CEMIP: variants seen among roughly 807,000 people sequenced by gnomAD.
CEMIP encodes the protein cell migration inducing hyaluronidase 1, also known as cell migration-inducing and hyaluronan-binding protein.
CEMIP carries 105 observed loss-of-function variants against 156.9 expected under a neutral mutation model. The observed-to-expected ratio is 0.67, with a 90% confidence interval of 0.57 to 0.79. The LOEUF (loss-of-function observed/expected upper bound fraction) is 0.79, where lower values mean the gene tolerates loss of function less well. Ranked by LOEUF, CEMIP falls within the 30% of genes least tolerant of loss-of-function variation. The pLI is 0.00. For missense variants in CEMIP, 1,457 were observed against 1,769.4 expected (o/e 0.82, Z 3.17); for synonymous variants, 676 against 668.4 (o/e 1.01, Z -0.17).
chr15:80,887,885 T>G, intron 8 of CEMIP, 121 bp downstream of exon 8: 1 of 845,828 alleles, frequency 1.2e-6, no homozygotes, highest in Non-Finnish European at 1.9e-6. Context: ...AATGTCTAGA[T>G]GAGTGAGCAG....
chr15:80,889,228 C>T (rs1300746996), intron 9 of CEMIP, among the ~76,000 whole-genome samples: 1 of 152,152 alleles, frequency 6.6e-6, no homozygotes, highest in African/African-American at 2.4e-5. Flanking sequence ...TTTGCTTTTG[C>T]AATAACAAAG....
rs1341936693 is a variant in CEMIP, at chr15:80,779,443, C to A, written c.-347C>A. 1 of 152,326 alleles carries A rather than the reference C, an allele frequency of 6.6e-6. No individual in the cohort carries two copies. Among genetic ancestry groups the A allele is most frequent in the Non-Finnish European group, 1.5e-5 (1 of 68,116 alleles). The allele number at this position is 152,326 out of a possible 1,614,324, so 9.4% of individuals were successfully genotyped here. A position where few individuals can be genotyped will look rare whatever the true frequency, so the allele number is the denominator to read the frequency against. On this transcript the variant is annotated 5_prime_UTR_variant, in exon 1 of 30. Transcript: ENST00000394685. ...TGGCGAGCGCAAGCGGCGCGGGGAG[C>A]CAGCGGGGCTGAGCGCGGCCAGGGT...
rs779457291 is a variant in CEMIP, at chr15:80,873,970, A to G, written c.91A>G (p.Thr31Ala). 6.2e-5 allele frequency: 97 copies of G among 1,567,102 alleles called. 1 individual carries two copies. The South Asian group carries it at 8.9e-4, about 14-fold the overall frequency. ...TLTCFPGATS[T>A]VAAGCPDQSP... ...GACCTGCTTCCCTGGGGCCACATCCACAGGTGAGCACTGCAAACAGATGGA... is the reference window on the plus strand; with the variant it reads ...GACCTGCTTCCCTGGGGCCACATCCGCAGGTGAGCACTGCAAACAGATGGA... The change falls in exon 3 of 30, where the codon ACA becomes GCA. Residue 31 changes from threonine (T) to alanine (A), a missense_variant. This residue lies in a region of CEMIP where 309 missense variants were observed against 340.8 expected (regional missense o/e 0.91). Transcript: ENST00000394685.
At chr15:80,784,008 C>G (rs1895863209) in intron 1 of CEMIP, among the ~76,000 whole-genome samples, 1 of 152,176 alleles carries the variant, frequency 6.6e-6, no homozygotes, top group African/African-American at 2.4e-5. Flanking sequence ...GCCTCCCCAC[C>G]CCTGCAGGTG....
chr15:80,908,950 C>T, intron 13 of CEMIP, 147 bp from the exon 14 acceptor site: 1 of 799,660 alleles, frequency 1.3e-6, no homozygotes, highest in East Asian at 2.7e-5. Context: ...CATTCTAACC[C>T]ATTTGCAGAG....
At chr15:80,803,423 T>C (rs1418384360) in intron 1 of CEMIP, among the ~76,000 whole-genome samples, 1 of 152,076 alleles carries the variant, frequency 6.6e-6, no homozygotes, top group African/African-American at 2.4e-5. Flanking sequence ...TTCTAGGCAC[T>C]GGATTAAGAA....
intron 1 of CEMIP, among the ~76,000 whole-genome samples, chr15:80,789,189 T>C (rs560849140): frequency 5.4e-4 from 82 of 152,256 alleles, no homozygotes; most frequent in African/African-American, 1.9e-3. Flanking sequence ...CAGAGATCAG[T>C]ACCAGAGACA....
chr15:80,802,328 G>A (rs1013169263), intron 1 of CEMIP, among the ~76,000 whole-genome samples: 10 of 152,340 alleles, frequency 6.6e-5, no homozygotes, highest in Admixed American at 4.6e-4. Context: ...AGCCATCAAC[G>A]GCTGCTGGGC....
chr15:80,852,430 C>T (rs1250010099), intron 1 of CEMIP, among the ~76,000 whole-genome samples: 1 of 151,812 alleles, frequency 6.6e-6, no homozygotes, highest in East Asian at 1.9e-4. Flanking sequence ...CGATTACTAA[C>T]CAGTAGGAGC....
At chr15:80,902,216 G>T (rs1325560334) in intron 12 of CEMIP, among the ~76,000 whole-genome samples, 1 of 152,238 alleles carries the variant, frequency 6.6e-6, no homozygotes, top group East Asian at 1.9e-4. Flanking sequence ...GACACCTGCA[G>T]AGTAAAGACT....
At chr15:80,910,705 C>T (rs1399444554) in intron 14 of CEMIP, among the ~76,000 whole-genome samples, 5 of 152,198 alleles carry the variant, frequency 3.3e-5, no homozygotes, top group Admixed American at 1.3e-4. Flanking sequence ...GTAGCTTAAC[C>T]TCTCTGAACC....
intron 14 of CEMIP, chr15:80,909,848 C>T (rs977196792): frequency 2.3e-5 from 8 of 348,388 alleles, no homozygotes; most frequent in Non-Finnish European, 4.5e-5. Context: ...TGACCTTTCT[C>T]GAAGTGAACT....
At chr15:80,791,917 C>T (rs1429429068) in intron 1 of CEMIP, among the ~76,000 whole-genome samples, 1 of 152,204 alleles carries the variant, frequency 6.6e-6, no homozygotes, top group Non-Finnish European at 1.5e-5. Flanking sequence ...CTCAAATTTC[C>T]TCAAAGCTTA....
At chr15:80,939,374 G>A (rs1012645376) in intron 25 of CEMIP, among the ~76,000 whole-genome samples, 3 of 152,198 alleles carry the variant, frequency 2.0e-5, no homozygotes, top group Non-Finnish European at 2.9e-5. Flanking sequence ...GGGGCCAGGA[G>A]TATTTAGGAA....
chr15:80,941,591 T>C (rs1901337424), intron 25 of CEMIP, among the ~76,000 whole-genome samples: 2 of 152,210 alleles, frequency 1.3e-5, no homozygotes, highest in Admixed American at 6.5e-5. Flanking sequence ...ATGAGATATG[T>C]CGATTTACGA....
At chr15:80,925,531 T>G in intron 18 of CEMIP, 93 bp from the exon 19 acceptor site, 2 of 1,545,934 alleles carry the variant, frequency 1.3e-6, no homozygotes, top group Non-Finnish European at 1.8e-6. Context: ...CTGGGCACTG[T>G]GAGTAGAGAG....
intron 1 of CEMIP, among the ~76,000 whole-genome samples, chr15:80,821,515 C>A (rs1365042925): frequency 6.6e-6 from 1 of 152,116 alleles, no homozygotes; most frequent in Non-Finnish European, 1.5e-5. Context: ...CTTTTTCCAT[C>A]AACCAGGTGA....
chr15:80,900,585 G>GGTGTGTGTCT (rs1899442696), intron 12 of CEMIP, among the ~76,000 whole-genome samples: 1 of 74,932 alleles, frequency 1.3e-5, no homozygotes, highest in Non-Finnish European at 2.5e-5. Context: ...CCCAGGTAGG[G>GGTGTGTGTCT]GTGTGTGTGT....
At chr15:80,790,123 G>A (rs1213616568) in intron 1 of CEMIP, among the ~76,000 whole-genome samples, 3 of 152,176 alleles carry the variant, frequency 2.0e-5, no homozygotes, top group Admixed American at 6.5e-5. Flanking sequence ...ACAATAAAGA[G>A]TCCTTTCTTC....
Sources: allele counts gnomAD v4.1 joint callset (sites outside exome capture counted in the v4.1 genomes callset), GRCh38; gene constraint gnomAD v4.1.1; regional missense constraint gnomAD v4.1.1; transcripts MANE v1.5; gene names NCBI Gene and HGNC (gene_info 2026-07-23, HGNC 2026-07-21).